PLA2G4E: variants seen among roughly 807,000 people sequenced by gnomAD.
PLA2G4E encodes the protein cytosolic phospholipase A2 epsilon.
Under a neutral mutation model 109.1 loss-of-function variants are expected in PLA2G4E, and 84 were observed. That is an observed-to-expected ratio of 0.77 (90% confidence interval 0.65 to 0.92). PLA2G4E has a LOEUF of 0.92. Among genes scored for constraint, PLA2G4E ranks in the 40% least tolerant of loss-of-function variants. The pLI is 0.00. For missense variants in PLA2G4E, 1,057 were observed against 1,076.6 expected (o/e 0.98, Z 0.25); for synonymous variants, 469 against 436.1 (o/e 1.08, Z -0.94).
At chr15:42,027,324 G>C (rs2068701236) in intron 1 of PLA2G4E, among the ~76,000 whole-genome samples, 1 of 152,154 alleles carries the variant, frequency 6.6e-6, no homozygotes, top group South Asian at 2.1e-4. Context: ...GGAAAGTTTT[G>C]TGGGTATAGG....
intron 13 of PLA2G4E, among the ~76,000 whole-genome samples, chr15:41,992,465 T>A (rs1386355644): frequency 6.6e-6 from 1 of 152,208 alleles, no homozygotes; most frequent in Non-Finnish European, 1.5e-5. Flanking sequence ...CTCACAGGTG[T>A]CTTGGCGTGG....
chr15:41,984,528 C>A (rs1777515760), exon 19 of PLA2G4E: 1 of 1,613,806 alleles, frequency 6.2e-7, no homozygotes, highest in African/African-American at 1.3e-5. Context: ...CATCAGGTAG[C>A]ATTCCTTGAG....
rs947687401 is a variant in PLA2G4E, at chr15:42,026,384, A to T, written c.184-12627T>A. Among the ~76,000 whole-genome samples, 7 of 152,360 alleles carry T rather than the reference A, an allele frequency of 4.6e-5. No homozygotes were observed. In the Middle Eastern group the frequency reaches 0.01, roughly 222 times the overall value. Reference sequence around the variant, plus strand: ...ACTATATAGAGTAAAAGAAAACAGCATTCCCATTTCATACCATATAAAAAG... The same window carrying T: ...ACTATATAGAGTAAAAGAAAACAGCTTTCCCATTTCATACCATATAAAAAG... On this transcript the variant is annotated intron_variant, in intron 1 of 19. Coordinates refer to ENST00000399518, the Ensembl canonical transcript of PLA2G4E.
At chr15:41,985,995 T>G in exon 18 of PLA2G4E, 4 of 1,593,538 alleles carry the variant, frequency 2.5e-6, no homozygotes, top group Non-Finnish European at 3.4e-6. Context: ...GGAAACCATC[T>G]AGCACTGTGT....
exon 16 of PLA2G4E, chr15:41,988,081 T>C (rs1232352864): frequency 6.8e-6 from 11 of 1,607,634 alleles, no homozygotes; most frequent in African/African-American, 1.3e-5. Context: ...TGTCCACCTG[T>C]GGAAAAACTC....
intron 16 of PLA2G4E, 65 bp downstream of exon 16, chr15:41,987,984 C>T (rs2068173839): frequency 1.6e-6 from 2 of 1,235,760 alleles, no homozygotes; most frequent in Admixed American, 2.0e-5. Flanking sequence ...CCCCCATCAC[C>T]CAGCCATGAG....
At position 41,988,081 on chromosome 15, in the gene PLA2G4E, TGG is replaced by T. The variant is rs1475959314; in HGVS notation, c.1797_1798del (p.Phe599LeufsTer19). On this transcript the variant is annotated frameshift_variant, in exon 16 of 20. Coordinates refer to ENST00000399518, the Ensembl canonical transcript of PLA2G4E. LOFTEE classifies it high-confidence loss of function. ...CTGCACTTTCTCCCTTGTCCACCTG[TGG>T]AAAAACTCCTCCGAGGTGTGTGACA... 1 of 1,607,634 alleles carries T rather than the reference TGG, an allele frequency of 6.2e-7. No individual in the cohort carries two copies. Among genetic ancestry groups the T allele is most frequent in the Non-Finnish European group, 8.5e-7 (1 of 1,176,930 alleles).
At chr15:42,037,895 T>C (rs1308152153) in intron 1 of PLA2G4E, among the ~76,000 whole-genome samples, 3 of 152,194 alleles carry the variant, frequency 2.0e-5, no homozygotes, top group Admixed American at 1.3e-4. Flanking sequence ...CACACACCCA[T>C]TGCTGCTCTA....
chr15:42,044,592 C>G (rs993644301), intron 1 of PLA2G4E, among the ~76,000 whole-genome samples: 3 of 130,768 alleles, frequency 2.3e-5, no homozygotes, highest in Non-Finnish European at 3.1e-5. Context: ...AATGAGAACA[C>G]TTGGACACAG....
exon 7 of PLA2G4E, chr15:42,001,200 C>T: frequency 6.2e-7 from 1 of 1,613,776 alleles, no homozygotes; most frequent in Non-Finnish European, 8.5e-7. Context: ...CATGAACCTC[C>T]AGGCAGGAGA....
At chr15:42,044,583 A>C (rs933214740) in intron 1 of PLA2G4E, among the ~76,000 whole-genome samples, 1 of 137,536 alleles carries the variant, frequency 7.3e-6, no homozygotes, top group Non-Finnish European at 1.5e-5. Flanking sequence ...GAACTGAACA[A>C]TGAGAACACT....
chr15:42,017,053 G>A (rs1816409097), intron 1 of PLA2G4E, among the ~76,000 whole-genome samples: 1 of 152,212 alleles, frequency 6.6e-6, no homozygotes, highest in African/African-American at 2.4e-5. Context: ...GGCAAAACCT[G>A]TACCCACCGG....
intron 4 of PLA2G4E, among the ~76,000 whole-genome samples, chr15:42,005,693 G>C (rs2068468626): frequency 6.6e-6 from 1 of 152,222 alleles, no homozygotes; most frequent in South Asian, 2.1e-4. Context: ...CCTCTCCATT[G>C]TGTTCTGTGA....
rs1224228562 is a variant in PLA2G4E at position 41,996,378 on chromosome 15, A to AT, written c.1110+745_1110+746insA. ...AAAAAAAAAAAAAAAAAAAAAAAAA[A>AT]AGGAGGGAGGAAGGGGCTCTTTGTC... On this transcript the variant is annotated intron_variant, in intron 11 of 19. Coordinates refer to ENST00000399518, the Ensembl canonical transcript of PLA2G4E. 4.8e-4 allele frequency among the ~76,000 whole-genome samples: 60 copies of AT among 124,154 alleles called. 5 individuals carry two copies. The highest frequency in any genetic ancestry group is 4.1e-3 in the Middle Eastern group (1 of 246). The allele number at this position is 124,154 out of a possible 152,430, so 81.4% of individuals were successfully genotyped here. A position where few individuals can be genotyped will look rare whatever the true frequency, so the allele number is the denominator to read the frequency against.
At chr15:42,007,853 T>A in exon 3 of PLA2G4E, 1 of 1,603,632 alleles carries the variant, frequency 6.2e-7, no homozygotes, top group Non-Finnish European at 8.5e-7. Context: ...CACAAAACAG[T>A]CTGTCTGGCT....
chr15:42,007,907 G>T, intron 2 of PLA2G4E, 42 bp from the exon 3 acceptor site: 1 of 1,565,960 alleles, frequency 6.4e-7, no homozygotes, highest in Non-Finnish European at 8.7e-7. Flanking sequence ...GGTTCAGAGA[G>T]AACATGTGGA....
chr15:42,036,087 T>C (rs1889207848), intron 1 of PLA2G4E, among the ~76,000 whole-genome samples: 3 of 152,242 alleles, frequency 2.0e-5, no homozygotes, highest in Admixed American at 2.0e-4. Context: ...TGTGACCTAT[T>C]CCACAACTTA....
At chr15:42,025,493 C>A (rs943526346) in intron 1 of PLA2G4E, among the ~76,000 whole-genome samples, 1 of 152,080 alleles carries the variant, frequency 6.6e-6, no homozygotes, top group Non-Finnish European at 1.5e-5. Context: ...TACCTCCCCC[C>A]ACCCCCCACT....
chr15:42,014,715 T>A (rs913003938), intron 1 of PLA2G4E, among the ~76,000 whole-genome samples: 1 of 152,204 alleles, frequency 6.6e-6, no homozygotes, highest in Non-Finnish European at 1.5e-5. Context: ...CAGGTCCTTC[T>A]GGTCACTCTA....
Sources: gnomAD v4.1 joint callset for allele counts (sites outside exome capture counted in the v4.1 genomes callset) on GRCh38, gnomAD v4.1.1 for gene constraint, MANE v1.5 for transcripts, NCBI Gene and HGNC (gene_info 2026-07-23, HGNC 2026-07-21) for gene names.